IFT80: variants seen among roughly 807,000 people sequenced by gnomAD.
The protein encoded by IFT80 is intraflagellar transport protein 80 homolog.
In IFT80, 79 loss-of-function variants were observed where a neutral mutation model predicts 107.9. The observed-to-expected ratio is 0.73, with a 90% confidence interval of 0.61 to 0.88. IFT80 has a LOEUF of 0.88. IFT80 is among the 40% of genes least tolerant of loss of function. The pLI is 0.00. For synonymous variants in IFT80, 299 were observed against 300.9 expected, an observed-to-expected ratio of 0.99 and a Z score of 0.07; for missense variants, 797 against 914.2, an observed-to-expected ratio of 0.87 and a Z score of 1.65.
chr3:160,313,490 T>C (rs1717565004), intron 9 of IFT80, among the ~76,000 whole-genome samples: 1 of 152,136 alleles, frequency 6.6e-6, no homozygotes, highest in South Asian at 2.1e-4. Flanking sequence ...TCTGGTACAC[T>C]TGAACCAAAC....
At chr3:160,378,527 C>T (rs1339083084) in intron 3 of IFT80, among the ~76,000 whole-genome samples, 1 of 151,470 alleles carries the variant, frequency 6.6e-6, no homozygotes, top group Admixed American at 6.6e-5. Flanking sequence ...AGAAAAAGAA[C>T]AGGTCTCTGT....
chr3:160,261,917 T>C (rs1286892025), intron 19 of IFT80, among the ~76,000 whole-genome samples: 10 of 152,090 alleles, frequency 6.6e-5, no homozygotes, highest in African/African-American at 2.4e-4. Flanking sequence ...AAGAGCCTTC[T>C]CTGGACCTTG....
At chr3:160,375,266 T>C (rs1045329225) in intron 5 of IFT80, among the ~76,000 whole-genome samples, 7 of 152,134 alleles carry the variant, frequency 4.6e-5, no homozygotes, top group South Asian at 2.1e-4. Context: ...GACCATTGGA[T>C]TGACTTTATG....
At chr3:160,273,509 T>C (rs1049607186) in intron 18 of IFT80, among the ~76,000 whole-genome samples, 4 of 152,148 alleles carry the variant, frequency 2.6e-5, no homozygotes, top group African/African-American at 9.6e-5. Flanking sequence ...AAATGGTTGA[T>C]AATAGGGAGG....
At chr3:160,398,628 C>T (rs1295801751) in intron 1 of IFT80, among the ~76,000 whole-genome samples, 1 of 152,138 alleles carries the variant, frequency 6.6e-6, no homozygotes, top group Non-Finnish European at 1.5e-5. Flanking sequence ...CAATCACCTA[C>T]CACCAGATCC....
chr3:160,331,381 C>T (rs1438863395), intron 8 of IFT80, among the ~76,000 whole-genome samples: 1 of 152,158 alleles, frequency 6.6e-6, no homozygotes, highest in Non-Finnish European at 1.5e-5. Context: ...AAAACTTATG[C>T]ATTCTTTTCT....
At chr3:160,306,686 T>C (rs979979408) in intron 10 of IFT80, among the ~76,000 whole-genome samples, 3 of 152,232 alleles carry the variant, frequency 2.0e-5, no homozygotes, top group Admixed American at 2.0e-4. Flanking sequence ...TGTCCCAAAT[T>C]GCAGATTCTG....
intron 8 of IFT80, chr3:160,320,187 T>A: frequency 2.5e-6 from 1 of 404,460 alleles, no homozygotes; most frequent in South Asian, 4.3e-5. Flanking sequence ...ACCCACATCA[T>A]CTCAATGTTT....
chr3:160,398,401 GA>G (rs907927258), intron 1 of IFT80, among the ~76,000 whole-genome samples: 3 of 150,482 alleles, frequency 2.0e-5, no homozygotes, highest in South Asian at 2.1e-4. Flanking sequence ...AAAAGTTAAA[GA>G]AAAAAAAAGG....
At chr3:160,362,923 CA>C (rs753310732) in intron 6 of IFT80, among the ~76,000 whole-genome samples, 26 of 152,280 alleles carry the variant, frequency 1.7e-4, no homozygotes, top group Non-Finnish European at 3.2e-4. Flanking sequence ...ACTGAATGGG[CA>C]AAAACTGGAA....
At chr3:160,383,923 C>G (rs992875309) in intron 2 of IFT80, 1 of 985,272 alleles carries the variant, frequency 1.0e-6, no homozygotes, top group Non-Finnish European at 1.2e-6. Context: ...CTAGATCACA[C>G]TAGCAAAGAA....
At chr3:160,322,174 A>G (rs893957325) in intron 8 of IFT80, among the ~76,000 whole-genome samples, 1 of 149,352 alleles carries the variant, frequency 6.7e-6, no homozygotes, top group African/African-American at 2.5e-5. Flanking sequence ...TCCTAATGCT[A>G]TCCCTCCTCC....
intron 12 of IFT80, among the ~76,000 whole-genome samples, chr3:160,292,788 G>C (rs540294064): frequency 6.6e-6 from 1 of 152,234 alleles, no homozygotes; most frequent in East Asian, 1.9e-4. Flanking sequence ...GAGGACGCTG[G>C]TATGGCAAAA....
intron 7 of IFT80, among the ~76,000 whole-genome samples, chr3:160,356,412 C>T (rs1342101276): frequency 6.6e-6 from 1 of 152,146 alleles, no homozygotes; most frequent in East Asian, 1.9e-4. Flanking sequence ...TATTTTATAA[C>T]ACTGTCATAA....
At chr3:160,385,909 A>T (rs557668440) in intron 1 of IFT80, among the ~76,000 whole-genome samples, 8 of 152,372 alleles carry the variant, frequency 5.3e-5, no homozygotes, top group South Asian at 2.1e-4. Flanking sequence ...AGGCAGATAA[A>T]TATTTGCTTC....
At position 160,323,452 on chromosome 3, in the gene IFT80, G is replaced by C. The variant is rs528240924; in HGVS notation, c.778-3513C>G. Among the ~76,000 whole-genome samples, 20 of 152,206 alleles carry C rather than the reference G, an allele frequency of 1.3e-4. No homozygotes were observed. The South Asian group carries it at 4.1e-3, about 32-fold the overall frequency. On this transcript the variant is annotated intron_variant, in intron 8 of 19. Transcript: ENST00000326448. ...TTGGTTACTGTAGCCTTGTAGTATA[G>C]TTTGAAGTCAGGTAGCATGATGCCT...
At chr3:160,295,163 A>G (rs567809875) in intron 12 of IFT80, among the ~76,000 whole-genome samples, 1 of 152,348 alleles carries the variant, frequency 6.6e-6, no homozygotes, top group East Asian at 1.9e-4. Context: ...ATCAAACCAT[A>G]ATGAGATACC....
intron 1 of IFT80, among the ~76,000 whole-genome samples, chr3:160,386,553 C>T (rs893803846): frequency 6.6e-6 from 1 of 152,106 alleles, no homozygotes; most frequent in African/African-American, 2.4e-5. Flanking sequence ...TGTTTTTGGT[C>T]CAGTGTGGGT....
intron 9 of IFT80, among the ~76,000 whole-genome samples, chr3:160,313,275 G>C (rs944211729): frequency 1.3e-5 from 2 of 149,256 alleles, no homozygotes; most frequent in African/African-American, 4.9e-5. Context: ...ACTTTAAAGG[G>C]AAGTTGTATG....
Sources: allele counts gnomAD v4.1 joint callset (sites outside exome capture counted in the v4.1 genomes callset), GRCh38; gene constraint gnomAD v4.1.1; transcripts MANE v1.5; gene names NCBI Gene and HGNC (gene_info 2026-07-23, HGNC 2026-07-21).